The following MYO5C variants were observed in gnomAD, a reference collection of about 807,000 sequenced individuals.
MYO5C encodes unconventional myosin-Vc.
Under a neutral mutation model 235.7 loss-of-function variants are expected in MYO5C, and 194 were observed. The observed-to-expected ratio is 0.82, with a 90% CI of 0.73 to 0.93. The LOEUF is 0.93. Among genes scored for constraint, MYO5C ranks in the 40% least tolerant of loss-of-function variants. The pLI, the probability that MYO5C is intolerant of heterozygous loss-of-function variation, is 0.00. For synonymous variants in MYO5C, 707 were observed against 754.8 expected (o/e 0.94, Z 1.04); for missense variants, 2,038 against 2,127.2 (o/e 0.96, Z 0.82).
In MYO5C at chr15:52,242,041, G is replaced by C; in HGVS notation, c.2556+7C>G. 2 of 1,606,260 alleles carry C rather than the reference G, an allele frequency of 1.2e-6. No individual in the cohort carries two copies. Among genetic ancestry groups the C allele is most frequent in the South Asian group, 1.1e-5 (1 of 89,770 alleles). The stretch of plus-strand genomic sequence containing the variant: ...CCTCCCTTCCTCTAGACAGAGGTTG[G>C]CCTCACCTTTCGATACCTCCTCCTT... On this transcript the variant is annotated splice_region_variant and intron_variant, in intron 20 of 40. Transcript: ENST00000261839.
intron 28 of MYO5C, among the ~76,000 whole-genome samples, chr15:52,224,516 T>A (rs2035775866): frequency 6.6e-6 from 1 of 152,186 alleles, no homozygotes; most frequent in Admixed American, 6.5e-5. Flanking sequence ...CAGGGATATA[T>A]GGGAACTCTC....
Position 52,237,477 on chromosome 15 carries a change from C to A in MYO5C, c.2868+5G>T, listed in dbSNP as rs1479758865. ...TCCATCCCGTCTCACACGCCCGCAG[C>A]TGACCTCTTCCACAGCATCCCTGTA... On this transcript the variant is annotated splice_donor_5th_base_variant and intron_variant, in intron 22 of 40. Coordinates refer to ENST00000261839, the MANE Select transcript of MYO5C (RefSeq NM_018728.4). The A allele has an allele frequency of 6.2e-7, 1 of 1,613,520 alleles. No homozygotes were observed. Among genetic ancestry groups the A allele is most frequent in the Non-Finnish European group, 8.5e-7 (1 of 1,179,704 alleles).
intron 24 of MYO5C, 69 bp downstream of exon 24, chr15:52,232,553 G>A: frequency 6.8e-7 from 1 of 1,470,772 alleles, no homozygotes; most frequent in African/African-American, 1.4e-5. Flanking sequence ...TATGCAAACT[G>A]AGATGGAAAA....
chr15:52,280,007 G>C (rs1030215221), intron 2 of MYO5C, among the ~76,000 whole-genome samples: 1 of 152,172 alleles, frequency 6.6e-6, no homozygotes, highest in African/African-American at 2.4e-5. Context: ...CAAGGGCAGA[G>C]ATCCAGGTGC....
At chr15:52,267,152 G>A (rs1170389867) in intron 8 of MYO5C, among the ~76,000 whole-genome samples, 1 of 152,176 alleles carries the variant, frequency 6.6e-6, no homozygotes, top group Non-Finnish European at 1.5e-5. Context: ...TGTGAAACAT[G>A]GGGGCAAATG....
chr15:52,196,325 G>C lies in MYO5C; in HGVS notation c.4979C>G (p.Ser1660Ter). 3 of 1,611,494 alleles carry C rather than the reference G, an allele frequency of 1.9e-6. No individual in the cohort carries two copies. Among genetic ancestry groups the C allele is most frequent in the Non-Finnish European group, 2.5e-6 (3 of 1,179,100 alleles). Reference protein sequence around the residue: ...DAKEIYERCTSLSAVQIIKIL... With the variant: ...DAKEIYERCT The stretch of plus-strand genomic sequence containing the variant: ...CCTGGTCACCTGCACAGCAGACAGT[G>C]AGGTGCAGCGTTCGTAGATCTCCTT... Residue 1660 changes from serine to a stop codon, truncating the protein, a stop_gained, in exon 39 of 41, where the codon TCA becomes TGA. Transcript: ENST00000261839. LOFTEE classifies it high-confidence loss of function.
chr15:52,218,566 T>C lies in MYO5C; in HGVS notation c.3907A>G (p.Lys1303Glu), dbSNP rs748730117. Residue 1303 changes from lysine to glutamate, a missense_variant, in exon 32 of 41, where the codon AAG (lysine) becomes GAG (glutamate). Transcript: ENST00000261839. ...GATGCTTCCTGCCGGAAGTTACACT[T>C]GACTTCACTTTCAGTTTCAAATTGT... is the stretch of plus-strand genomic sequence containing the variant. ...KKQFETESEVKCNFRQEASRL... is the reference protein window; with the variant it reads ...KKQFETESEVECNFRQEASRL... 6.2e-6 allele frequency: 10 copies of C among 1,614,256 alleles called. No individual in the cohort carries two copies. The highest frequency in any genetic ancestry group is 3.3e-5 in the Admixed American group (2 of 60,032).
chr15:52,197,622 C>T (rs1013645860), intron 38 of MYO5C, among the ~76,000 whole-genome samples: 18 of 152,024 alleles, frequency 1.2e-4, no homozygotes, highest in African/African-American at 4.3e-4. Context: ...TTGAACTATA[C>T]ACTTTATTTA....
intron 7 of MYO5C, 38 bp from the exon 8 acceptor site, chr15:52,269,898 C>T (rs201849893): frequency 1.4e-6 from 2 of 1,424,078 alleles, no homozygotes; most frequent in East Asian, 2.3e-5. Flanking sequence ...GTCTGTAACA[C>T]AGAAATTTGG....
At chr15:52,212,756 G>A (rs1351369583) in intron 34 of MYO5C, among the ~76,000 whole-genome samples, 1 of 152,218 alleles carries the variant, frequency 6.6e-6, no homozygotes, top group Non-Finnish European at 1.5e-5. Context: ...AAATTTCTCA[G>A]AAGTCAAATG....
chr15:52,238,621 GTTTCT>G (rs777758125), intron 21 of MYO5C, among the ~76,000 whole-genome samples: 4 of 152,144 alleles, frequency 2.6e-5, no homozygotes, highest in South Asian at 2.1e-4. Flanking sequence ...GCATATGGAT[GTTTCT>G]TTTCTTTTCT....
chr15:52,280,812 T>C (rs375741981), intron 2 of MYO5C, among the ~76,000 whole-genome samples: 1 of 152,320 alleles, frequency 6.6e-6, no homozygotes. Flanking sequence ...TTGGAGTTTG[T>C]TGTCCAAGGT....
chr15:52,213,411 T>C (rs765173964), intron 33 of MYO5C, 125 bp from the exon 34 acceptor site: 8 of 670,832 alleles, frequency 1.2e-5, no homozygotes, highest in Non-Finnish European at 2.2e-5. Flanking sequence ...TTCAGATACA[T>C]TAAAACTGTA....
intron 30 of MYO5C, among the ~76,000 whole-genome samples, chr15:52,220,841 A>AT (rs58756996): frequency 1.4e-4 from 21 of 146,508 alleles, no homozygotes; most frequent in African/African-American, 3.6e-4. Flanking sequence ...AAAAAAAAAA[A>AT]TTTTTTTTGT....
In MYO5C at chr15:52,232,695, G is replaced by C. The variant is rs377677752; in HGVS notation, c.2963-10C>G. The C allele has an allele frequency of 4.3e-6, 7 of 1,613,216 alleles. No homozygotes were observed. Among genetic ancestry groups the C allele is most frequent in the Non-Finnish European group, 5.9e-6 (7 of 1,179,490 alleles). ...AGGTTGTCCATTTTTTCTGTAAAAA[G>C]AGAATGCTTTTTGAGATATGTCTGC... is the stretch of plus-strand genomic sequence containing the variant. On this transcript the variant is annotated splice_polypyrimidine_tract_variant and intron_variant, in intron 23 of 40. Transcript: ENST00000261839.
At chr15:52,211,184 A>G (rs547676730) in intron 35 of MYO5C, among the ~76,000 whole-genome samples, 1 of 152,348 alleles carries the variant, frequency 6.6e-6, no homozygotes, top group South Asian at 2.1e-4. Flanking sequence ...TGGAACCGCT[A>G]TCAGCAAAGA....
At chr15:52,202,850 A>C (rs1202648990) in intron 38 of MYO5C, among the ~76,000 whole-genome samples, 1 of 152,124 alleles carries the variant, frequency 6.6e-6, no homozygotes, top group African/African-American at 2.4e-5. Context: ...TTTTTGACTT[A>C]AGATACTCAA....
chr15:52,289,199 T>C (rs1173096124), intron 1 of MYO5C, among the ~76,000 whole-genome samples: 1 of 141,674 alleles, frequency 7.1e-6, no homozygotes, highest in Non-Finnish European at 1.5e-5. Context: ...CTGCCCCCCA[T>C]GTCCGTGTCT....
At chr15:52,269,591 C>T (rs1202092708) in intron 8 of MYO5C, among the ~76,000 whole-genome samples, 162 bp downstream of exon 8, 1 of 151,706 alleles carries the variant, frequency 6.6e-6, no homozygotes, top group Admixed American at 6.6e-5. Context: ...ACAGGTTTCA[C>T]CATGTTGGCC....
Sources: gnomAD v4.1 joint callset for allele counts (sites outside exome capture counted in the v4.1 genomes callset) on GRCh38, gnomAD v4.1.1 for gene constraint, MANE v1.5 for transcripts, NCBI Gene and HGNC (gene_info 2026-07-23, HGNC 2026-07-21) for gene names.